Variants in DMD observed in about 807,000 individuals in gnomAD.
DMD encodes dystrophin, also known as mutant dystrophin.
In DMD, 63 loss-of-function variants were observed where a neutral mutation model predicts 330.1. That is an observed-to-expected ratio of 0.19 (90% CI 0.16 to 0.24). The LOEUF is 0.24. DMD is among the 10% of genes least tolerant of loss of function. The probability of loss-of-function intolerance (pLI) is 1.00; values close to 1 mark genes in which losing one functional copy is unlikely to be tolerated. For synonymous variants in DMD, 1,223 were observed against 959.8 expected, an observed-to-expected ratio of 1.27 and a Z score of -5.07; for missense variants, 3,344 against 2,684.1, an observed-to-expected ratio of 1.25 and a Z score of -5.43.
intron 1 of DMD, among the ~76,000 whole-genome samples, chrX:33,162,744 C>T (rs1278575168): frequency 1.8e-5 from 2 of 109,917 alleles, no homozygotes; most frequent in African/African-American, 6.7e-5. Context: ...TTTCTGATCT[C>T]TGTTTTTATG....
chrX:31,275,155 TTGTGTGTGTGTGTGTGTGTG>T (rs59068818), intron 62 of DMD, among the ~76,000 whole-genome samples: 1 of 96,415 alleles, frequency 1.0e-5, no homozygotes, highest in Non-Finnish European at 2.1e-5. Flanking sequence ...AAATCAGGTT[TTGTGTGTGTGTGTGTGTGTG>T]TGTGTGTGTG....
intron 55 of DMD, among the ~76,000 whole-genome samples, chrX:31,559,317 TC>T (rs969139679): frequency 2.7e-5 from 3 of 110,929 alleles, no homozygotes; most frequent in Non-Finnish European, 5.7e-5. Flanking sequence ...ATTCCTTATT[TC>T]CACCTCCCTA....
At chrX:33,086,953 G>A (rs761169771) in intron 1 of DMD, among the ~76,000 whole-genome samples, 2 of 111,003 alleles carry the variant, frequency 1.8e-5, no homozygotes, top group East Asian at 5.6e-4. Context: ...GTAGAATGCA[G>A]CACTTTATCC....
chrX:31,787,976 C>T (rs991320292), intron 50 of DMD, among the ~76,000 whole-genome samples: 19 of 111,863 alleles, frequency 1.7e-4, no homozygotes, highest in African/African-American at 6.2e-4. Context: ...TTAAGACATC[C>T]CTGCCAAACC....
intron 44 of DMD, among the ~76,000 whole-genome samples, chrX:32,063,917 AATTAT>A (rs2096244814): frequency 9.0e-6 from 1 of 111,352 alleles, no homozygotes; most frequent in African/African-American, 3.2e-5. Context: ...AGAATACAGA[AATTAT>A]ATTCTTGAGT....
intron 37 of DMD, among the ~76,000 whole-genome samples, chrX:32,351,393 G>A (rs1168521873): frequency 6.3e-5 from 7 of 110,446 alleles, no homozygotes; most frequent in Non-Finnish European, 1.3e-4. Context: ...CAGTTTGGTA[G>A]AGTTACATAA....
At chrX:32,363,157 A>G (rs1167764631) in intron 36 of DMD, among the ~76,000 whole-genome samples, 199 bp from the exon 37 acceptor site, 1 of 111,698 alleles carries the variant, frequency 9.0e-6, no homozygotes, top group Non-Finnish European at 1.9e-5. Flanking sequence ...AAACAGGACT[A>G]AAATGAAAAT....
chrX:32,346,225 C>G, intron 38 of DMD, 145 bp from the exon 39 acceptor site: 1 of 632,919 alleles, frequency 1.6e-6, no homozygotes, highest in Non-Finnish European at 2.4e-6. Flanking sequence ...ATACTGTGCT[C>G]ATAGCCTTTC....
chrX:33,319,707 C>T (rs1453491862), intron 1 of DMD, among the ~76,000 whole-genome samples: 1 of 111,763 alleles, frequency 8.9e-6, no homozygotes, highest in Non-Finnish European at 1.9e-5. Context: ...GAAAATGGGA[C>T]CTGACTCACG....
intron 30 of DMD, among the ~76,000 whole-genome samples, chrX:32,408,385 G>A (rs2098127726): frequency 8.9e-6 from 1 of 111,885 alleles, no homozygotes; most frequent in Non-Finnish European, 1.9e-5. Flanking sequence ...AAATGCCAAT[G>A]TGAATGTAAA....
At chrX:32,604,493 C>CAAGA (rs1302562762) in intron 12 of DMD, among the ~76,000 whole-genome samples, 2 of 109,572 alleles carry the variant, frequency 1.8e-5, no homozygotes, top group African/African-American at 6.6e-5. Flanking sequence ...AGAACTACAA[C>CAAGA]AAGACAAGGA....
intron 60 of DMD, among the ~76,000 whole-genome samples, chrX:31,438,538 A>G (rs141368010): frequency 0.031 from 3,484 of 111,919 alleles, 87 homozygotes; most frequent in African/African-American, 0.068. Flanking sequence ...TATTTGGAGA[A>G]TGGCCTCATA....
At chrX:33,056,341 T>C (rs985524110) in intron 1 of DMD, among the ~76,000 whole-genome samples, 1 of 109,275 alleles carries the variant, frequency 9.2e-6, no homozygotes, top group African/African-American at 3.3e-5. Flanking sequence ...CTGCGCTCTT[T>C]TTTTTTTCTT....
intron 2 of DMD, among the ~76,000 whole-genome samples, chrX:32,896,218 C>A (rs763008823): frequency 1.8e-5 from 2 of 111,385 alleles, no homozygotes; most frequent in Non-Finnish European, 3.8e-5. Flanking sequence ...CTGTAGCCTG[C>A]TTAATTGGTA....
At chrX:32,769,039 G>A (rs920783295) in intron 7 of DMD, among the ~76,000 whole-genome samples, 1 of 111,200 alleles carries the variant, frequency 9.0e-6, no homozygotes, top group Admixed American at 9.6e-5. Context: ...CCTCTTCAAT[G>A]GCTATATGAA....
chrX:32,812,346 A>C (rs2077430418), intron 6 of DMD, among the ~76,000 whole-genome samples: 1 of 112,638 alleles, frequency 8.9e-6, no homozygotes, highest in African/African-American at 3.2e-5. Context: ...CTGTAATTCA[A>C]AATTGGCCAG....
rs534679043 is a variant in DMD at position 31,582,682 on chromosome X, C to T, written c.8217+44991G>A. On this transcript the variant is annotated intron_variant, in intron 55 of 78. Coordinates refer to ENST00000357033, the MANE Select transcript of DMD (RefSeq NM_004006.3). ...TCTGTATGGTAATCTCATTTAAGCCCTTTAGTCACCCTAAGAAACAGAAAA... is the reference window on the plus strand; with the variant it reads ...TCTGTATGGTAATCTCATTTAAGCCTTTTAGTCACCCTAAGAAACAGAAAA... Among the ~76,000 whole-genome samples, 20 of 110,972 alleles carry T rather than the reference C, an allele frequency of 1.8e-4. No homozygotes were observed. In the South Asian group the frequency reaches 7.6e-3, roughly 42 times the overall value.
chrX:31,582,353 A>G lies in DMD; in HGVS notation c.8217+45320T>C, dbSNP rs1355588846. Among the ~76,000 whole-genome samples, 3 of 111,831 alleles carry G rather than the reference A, an allele frequency of 2.7e-5. No homozygotes were observed. The Admixed American group carries it at 2.9e-4, about 11-fold the overall frequency. ...CAGGCAGCCTTAAATTTTCTGCCAC[A>G]TATATCACTCAAGGAGAGTGGAAGA... On this transcript the variant is annotated intron_variant, in intron 55 of 78. Coordinates refer to ENST00000357033, the MANE Select transcript of DMD (RefSeq NM_004006.3).
chrX:31,140,154 T>G (rs752297066), intron 76 of DMD, among the ~76,000 whole-genome samples: 1 of 112,690 alleles, frequency 8.9e-6, no homozygotes, highest in South Asian at 3.7e-4. Context: ...GATCCCTTTC[T>G]TGAAGGGAAG....
Sources: gnomAD v4.1 joint callset for allele counts (sites outside exome capture counted in the v4.1 genomes callset) on GRCh38, gnomAD v4.1.1 for gene constraint, MANE v1.5 for transcripts, NCBI Gene and HGNC (gene_info 2026-07-23, HGNC 2026-07-21) for gene names.